Variants in CIAPIN1 observed in about 807,000 individuals in gnomAD.
CIAPIN1 encodes the protein anamorsin.
In CIAPIN1, 18 loss-of-function variants were observed where a neutral mutation model predicts 34.3. That is an observed-to-expected ratio of 0.52 (90% CI 0.36 to 0.78). CIAPIN1 has a LOEUF of 0.78. CIAPIN1 is among the 30% of genes least tolerant of loss of function. The pLI, the probability that CIAPIN1 is intolerant of heterozygous loss-of-function variation, is 0.00. For missense variants in CIAPIN1, 310 were observed against 372.5 expected, an observed-to-expected ratio of 0.83 and a Z score of 1.38; for synonymous variants, 131 against 140.4, an observed-to-expected ratio of 0.93 and a Z score of 0.47.
In CIAPIN1 at chr16:57,436,700, G is replaced by A. The variant is rs2146563850; in HGVS notation, c.343C>T (p.Leu115=). Residue 115 remains leucine, a synonymous_variant, in exon 4 of 9, where the codon CTG becomes TTG. Coordinates refer to ENST00000394391, the MANE Select transcript of CIAPIN1 (RefSeq NM_020313.4). ...CCAGAAAGAGTCAGGGCTGAACACA[G>A]CTTAGATGCTGTCTTCACTTTGCTA... ...NNSKVKTASK[L]CSALTLSGLV... The A allele has an allele frequency of 3.1e-6, 5 of 1,613,932 alleles. No individual in the cohort carries two copies. Among genetic ancestry groups the A allele is most frequent in the Non-Finnish European group, 4.2e-6 (5 of 1,179,878 alleles).
rs1461431076 is a variant in CIAPIN1, at chr16:57,429,216, G to C, written c.893C>G (p.Pro298Arg). Residue 298 changes from proline to arginine, a missense_variant, in exon 9 of 9, where the codon CCT becomes CGT. Physicochemically the swap from Pro to Arg is moderately radical, Grantham distance 103. Transcript: ENST00000394391. ...ATCACTCAGAAGCACCTTTTCCCCAGGTTTGAAGGCTGGCATCCCAAGGTA... is the reference window on the plus strand; with the variant it reads ...ATCACTCAGAAGCACCTTTTCCCCACGTTTGAAGGCTGGCATCCCAAGGTA... Reference protein sequence around the residue: ...CPYLGMPAFKPGEKVLLSDSN... With the variant: ...CPYLGMPAFKRGEKVLLSDSN... 6.2e-7 allele frequency: 1 copy of C among 1,613,700 alleles called. No homozygotes were observed. Among genetic ancestry groups the C allele is most frequent in the Non-Finnish European group, 8.5e-7 (1 of 1,180,006 alleles).
chr16:57,431,471 C>T, intron 6 of CIAPIN1: 1 of 449,612 alleles, frequency 2.2e-6, no homozygotes, highest in East Asian at 3.4e-5. Context: ...AGAAGATGCA[C>T]TAGGATGCAA....
chr16:57,436,735 G>T lies in CIAPIN1; in HGVS notation c.311-3C>A. ...TGTCTTCACTTTGCTATTGTTATCTGCCAAAAGGAAAATCCCAATTAATAG... is the reference window on the plus strand; with the variant it reads ...TGTCTTCACTTTGCTATTGTTATCTTCCAAAAGGAAAATCCCAATTAATAG... On this transcript the variant is annotated splice_region_variant and splice_polypyrimidine_tract_variant and intron_variant, in intron 3 of 8. Coordinates refer to ENST00000394391, the MANE Select transcript of CIAPIN1 (RefSeq NM_020313.4). 6.2e-7 allele frequency: 1 copy of T among 1,612,030 alleles called. No individual in the cohort carries two copies. Among genetic ancestry groups the T allele is most frequent in the South Asian group, 1.1e-5 (1 of 90,974 alleles).
chr16:57,443,567 C>T (rs1392990906), intron 1 of CIAPIN1, among the ~76,000 whole-genome samples: 1 of 152,372 alleles, frequency 6.6e-6, no homozygotes, highest in African/African-American at 2.4e-5. Context: ...AAGCAATTCT[C>T]ATGCCTCAGC....
chr16:57,435,262 G>C (rs1192631702), intron 4 of CIAPIN1, among the ~76,000 whole-genome samples: 1 of 152,056 alleles, frequency 6.6e-6, no homozygotes, highest in South Asian at 2.1e-4. Flanking sequence ...CTTCTGCCAC[G>C]AGTAAAAGTT....
intron 2 of CIAPIN1, 68 bp from the exon 3 acceptor site, chr16:57,439,402 C>T: frequency 6.4e-7 from 1 of 1,569,332 alleles, no homozygotes; most frequent in Non-Finnish European, 8.8e-7. Context: ...CCTTCCAACC[C>T]CCAACAAAAG....
intron 1 of CIAPIN1, chr16:57,441,193 A>G (rs1903323711): frequency 3.6e-6 from 1 of 274,838 alleles, no homozygotes; most frequent in Admixed American, 5.4e-5. Context: ...CTTGGTGAGA[A>G]TCCTGACTTG....
chr16:57,446,895 C>T (rs971222052), intron 1 of CIAPIN1, among the ~76,000 whole-genome samples: 34 of 152,154 alleles, frequency 2.2e-4, no homozygotes, highest in African/African-American at 8.2e-4. Context: ...AGCTCAGGTA[C>T]CCCCCGACTC....
rs539010920 is a variant in CIAPIN1 at position 57,436,991 on chromosome 16, G to A, written c.311-259C>T. Among the ~76,000 whole-genome samples the A allele has an allele frequency of 7.2e-5, 11 of 152,188 alleles. No individual in the cohort carries two copies. The East Asian group carries it at 2.1e-3, about 29-fold the overall frequency. ...CACACAAAAAAAATAGCCAGGCGTG[G>A]TGGCACACGCCTGTAATCCCACCTA... On this transcript the variant is annotated intron_variant, in intron 3 of 8. Transcript: ENST00000394391.
In CIAPIN1 at chr16:57,432,862, C is replaced by T. The variant is rs148511687; in HGVS notation, c.557-302G>A. Among the ~76,000 whole-genome samples the T allele has an allele frequency of 2.7e-4, 41 of 152,342 alleles. 1 individual carries two copies. The East Asian group carries it at 7.9e-3, about 29-fold the overall frequency. On this transcript the variant is annotated intron_variant, in intron 5 of 8. Transcript: ENST00000394391. ...CCTTATGAGGTAACTATCTGTCATCCTACTTTTACCGCTGAGGAAACAGGT... is the reference window on the plus strand; with the variant it reads ...CCTTATGAGGTAACTATCTGTCATCTTACTTTTACCGCTGAGGAAACAGGT...
chr16:57,446,593 G>A (rs1348242248), intron 1 of CIAPIN1, among the ~76,000 whole-genome samples: 1 of 152,142 alleles, frequency 6.6e-6, no homozygotes, highest in African/African-American at 2.4e-5. Flanking sequence ...CCCGTGAAGT[G>A]CTCTGTTAGT....
At chr16:57,445,850 T>G (rs1032458027) in intron 1 of CIAPIN1, among the ~76,000 whole-genome samples, 16 of 135,982 alleles carry the variant, frequency 1.2e-4, no homozygotes, top group Non-Finnish European at 1.9e-4. Flanking sequence ...TTTTTTTTTT[T>G]TTTTTTTTTT....
chr16:57,440,339 G>A (rs1335557465), intron 2 of CIAPIN1, among the ~76,000 whole-genome samples: 2 of 152,030 alleles, frequency 1.3e-5, no homozygotes, highest in Admixed American at 6.6e-5. Flanking sequence ...CTGTGATCTC[G>A]CTCTGCCCCC....
intron 8 of CIAPIN1, among the ~76,000 whole-genome samples, chr16:57,429,925 G>A (rs937755489): frequency 2.6e-5 from 4 of 151,992 alleles, no homozygotes; most frequent in Non-Finnish European, 5.9e-5. Context: ...AATTACACAC[G>A]TGAGCCACTG....
intron 1 of CIAPIN1, among the ~76,000 whole-genome samples, chr16:57,445,834 G>GTTTTTTTT (rs751037117): frequency 1.4e-5 from 1 of 70,450 alleles, no homozygotes; most frequent in Non-Finnish European, 2.5e-5. Flanking sequence ...GACCTTAGAG[G>GTTTTTTTT]TTTTTTTTTT....
Position 57,428,646 on chromosome 16 carries a change from G to A in CIAPIN1, c.*524C>T, listed in dbSNP as rs1258119526. ...CAGTCAAATGTGGTTGGGGATGGAA[G>A]GGGGCAGAGGGACACTGGATATCAT... is the stretch of plus-strand genomic sequence containing the variant. On this transcript the variant is annotated 3_prime_UTR_variant, in exon 9 of 9. Transcript: ENST00000394391. 1 of 152,578 alleles carries A rather than the reference G, an allele frequency of 6.6e-6. No homozygotes were observed. The highest frequency in any genetic ancestry group is 1.5e-5 in the Non-Finnish European group (1 of 68,340). The allele number at this position is 152,578 out of a possible 1,614,324, so 9.5% of individuals were successfully genotyped here. A position where few individuals can be genotyped will look rare whatever the true frequency, so the allele number is the denominator to read the frequency against.
intron 4 of CIAPIN1, among the ~76,000 whole-genome samples, chr16:57,434,572 T>A (rs1264161153): frequency 6.6e-6 from 1 of 152,054 alleles, no homozygotes; most frequent in East Asian, 1.9e-4. Context: ...GAAATTTATA[T>A]CCCAAAAGAA....
chr16:57,432,854 C>T (rs1176580015), intron 5 of CIAPIN1, among the ~76,000 whole-genome samples: 1 of 152,220 alleles, frequency 6.6e-6, no homozygotes, highest in African/African-American at 2.4e-5. Flanking sequence ...AGGTAACTAT[C>T]TGTCATCCTA....
At chr16:57,444,947 C>T (rs1402203050) in intron 1 of CIAPIN1, among the ~76,000 whole-genome samples, 5 of 152,190 alleles carry the variant, frequency 3.3e-5, no homozygotes, top group Non-Finnish European at 5.9e-5. Flanking sequence ...GGGTACCTCT[C>T]CAACTCTGAC....
Sources: gnomAD v4.1 joint callset for allele counts (sites outside exome capture counted in the v4.1 genomes callset) on GRCh38, gnomAD v4.1.1 for gene constraint, MANE v1.5 for transcripts, NCBI Gene and HGNC (gene_info 2026-07-23, HGNC 2026-07-21) for gene names.